Variants in PRKN observed in about 807,000 individuals in gnomAD.
The protein encoded by PRKN is E3 ubiquitin-protein ligase parkin.
Under a neutral mutation model 59.5 loss-of-function variants are expected in PRKN, and 56 were observed. The ratio of observed to expected loss-of-function variants is 0.94; its 90% CI spans 0.76 to 1.18. The LOEUF (loss-of-function observed/expected upper bound fraction) is 1.18, where lower values mean the gene tolerates loss of function less well. PRKN is among the 50% of genes most tolerant of loss of function. The pLI, the probability that PRKN is intolerant of heterozygous loss-of-function variation, is 0.00. For missense variants in PRKN, 657 were observed against 596.4 expected, an observed-to-expected ratio of 1.10 and a Z score of -1.06; for synonymous variants, 250 against 222.1, an observed-to-expected ratio of 1.13 and a Z score of -1.12.
At chr6:161,416,414 A>G (rs544273814) in intron 9 of PRKN, among the ~76,000 whole-genome samples, 117 of 152,222 alleles carry the variant, frequency 7.7e-4, no homozygotes, top group African/African-American at 2.6e-3. Flanking sequence ...CCCAGTGCCT[A>G]GAACAGGACC....
At chr6:162,180,434 C>T (rs1006608524) in intron 4 of PRKN, among the ~76,000 whole-genome samples, 2 of 146,576 alleles carry the variant, frequency 1.4e-5, no homozygotes, top group African/African-American at 5.0e-5. Context: ...TATGTACCCA[C>T]AAAAATTACA....
At chr6:162,334,567 T>A (rs1382006029) in intron 2 of PRKN, among the ~76,000 whole-genome samples, 1 of 152,220 alleles carries the variant, frequency 6.6e-6, no homozygotes, top group South Asian at 2.1e-4. Context: ...ACAATACAAC[T>A]GGTCACCCGA....
chr6:161,611,206 G>A (rs2206950), intron 7 of PRKN, among the ~76,000 whole-genome samples: 47,440 of 152,090 alleles, frequency 0.31, 8,193 homozygotes, highest in Middle Eastern at 0.45. Context: ...ACCACCAGGC[G>A]TGGAAATAAT....
At chr6:162,036,846 C>G (rs1783869530) in intron 5 of PRKN, among the ~76,000 whole-genome samples, 1 of 152,010 alleles carries the variant, frequency 6.6e-6, no homozygotes, top group Non-Finnish European at 1.5e-5. Flanking sequence ...CTGTAAGAAA[C>G]TTTTATCTAT....
Position 161,753,715 on chromosome 6 carries a change from T to G in PRKN, c.871+32057A>C, listed in dbSNP as rs564296696. On this transcript the variant is annotated intron_variant, in intron 7 of 11. Transcript: ENST00000366898. The stretch of plus-strand genomic sequence containing the variant: ...CCAAGCCCAATGGGGGCGGGGGGGC[T>G]CGGCTTGGAGCAAGGCCAATTCTCT... Among the ~76,000 whole-genome samples the G allele has an allele frequency of 6.4e-4, 98 of 152,218 alleles. 1 individual carries two copies. Among genetic ancestry groups the G allele is most frequent in the Middle Eastern group, 3.4e-3 (1 of 294 alleles).
At chr6:162,704,671 T>C (rs1778275403) in intron 1 of PRKN, among the ~76,000 whole-genome samples, 1 of 152,188 alleles carries the variant, frequency 6.6e-6, no homozygotes, top group Non-Finnish European at 1.5e-5. Context: ...TAAAAATGTG[T>C]TCTAAATTAA....
intron 7 of PRKN, among the ~76,000 whole-genome samples, chr6:161,655,195 G>A (rs1403236207): frequency 7.4e-6 from 1 of 135,100 alleles, no homozygotes; most frequent in African/African-American, 3.4e-5. Flanking sequence ...CATTAGCATG[G>A]GCCTGGCCCC....
intron 5 of PRKN, among the ~76,000 whole-genome samples, chr6:161,996,322 G>T (rs954400463): frequency 6.6e-6 from 1 of 152,106 alleles, no homozygotes; most frequent in Non-Finnish European, 1.5e-5. Flanking sequence ...CAAAGTCAAA[G>T]GTGAACATTA....
chr6:162,588,435 A>G (rs559915081), intron 1 of PRKN, among the ~76,000 whole-genome samples: 1 of 152,342 alleles, frequency 6.6e-6, no homozygotes, highest in East Asian at 1.9e-4. Flanking sequence ...TTTCTAAAAA[A>G]CAACTGAGTT....
chr6:161,444,044 T>C lies in PRKN; in HGVS notation c.1084-57167A>G, dbSNP rs1248311211. On this transcript the variant is annotated intron_variant, in intron 9 of 11. Transcript: ENST00000366898. This position sits in a 1 kb window ranked among gnomAD's most constrained non-coding sequence, Gnocchi z 5.6. ...ACTAGGAGGCGCCAGGCTTAGGCCT[T>C]AGGCAGACAAAGAGCAAAAGTGTGG... Among the ~76,000 whole-genome samples the C allele has an allele frequency of 6.6e-6, 1 of 152,046 alleles. No individual in the cohort carries two copies. Among genetic ancestry groups the C allele is most frequent in the African/African-American group, 2.4e-5 (1 of 41,316 alleles).
intron 4 of PRKN, among the ~76,000 whole-genome samples, chr6:162,125,989 C>A (rs552203514): frequency 6.6e-6 from 1 of 152,068 alleles, no homozygotes; most frequent in East Asian, 1.9e-4. Context: ...AACAGCTTCA[C>A]CTAAAAATTA....
intron 2 of PRKN, among the ~76,000 whole-genome samples, chr6:162,335,382 T>C (rs1783795493): frequency 6.6e-6 from 1 of 152,088 alleles, no homozygotes; most frequent in South Asian, 2.1e-4. Context: ...GCATAATTAA[T>C]AGACTACATT....
Position 162,201,248 on chromosome 6 carries a change from AC to A in PRKN, c.416del (p.Gly139ValfsTer38), listed in dbSNP as rs751790069. The A allele has an allele frequency of 1.9e-6, 3 of 1,613,746 alleles. No individual in the cohort carries two copies. The African/African-American group carries it at 4.0e-5, about 22-fold the overall frequency. ...KDSPPAGSPA[G>X]RSIYNSFYVY... is the part of the protein sequence containing the mutation. ...CATAAAAGCTGTTGTAGATTGATCTACCTGCTGGAGAAGAAAAAGCAGAAGA... is the reference window on the plus strand; with the variant it reads ...CATAAAAGCTGTTGTAGATTGATCTACTGCTGGAGAAGAAAAAGCAGAAGA... On this transcript the variant is annotated frameshift_variant, in exon 4 of 12. Transcript: ENST00000366898. LOFTEE classifies it high-confidence loss of function.
chr6:162,451,827 T>C (rs1790641688), intron 1 of PRKN, among the ~76,000 whole-genome samples: 1 of 152,146 alleles, frequency 6.6e-6, no homozygotes, highest in East Asian at 1.9e-4. Context: ...TTTCAAAAAA[T>C]AATGCCCTCA....
intron 4 of PRKN, among the ~76,000 whole-genome samples, chr6:162,150,012 TAGAGCACCTGGACAGA>T: frequency 6.6e-6 from 1 of 152,150 alleles, no homozygotes; most frequent in African/African-American, 2.4e-5. Flanking sequence ...ATCCCCAACC[TAGAGCACCTGGACAGA>T]TCTCACTTCT....
At chr6:161,746,748 C>G (rs752770799) in intron 7 of PRKN, among the ~76,000 whole-genome samples, 115 of 144,574 alleles carry the variant, frequency 8.0e-4, no homozygotes, top group African/African-American at 1.3e-3. Flanking sequence ...TCTAGATATG[C>G]ACATATATAT....
intron 4 of PRKN, among the ~76,000 whole-genome samples, chr6:162,104,279 G>A (rs1309289863): frequency 1.3e-5 from 2 of 152,140 alleles, no homozygotes; most frequent in South Asian, 2.1e-4. Context: ...GCCTCCTGAC[G>A]CCTGAACACA....
intron 7 of PRKN, among the ~76,000 whole-genome samples, chr6:161,695,414 T>C (rs1461768681): frequency 6.6e-6 from 1 of 152,196 alleles, no homozygotes; most frequent in African/African-American, 2.4e-5. Context: ...CTTTTGTTGC[T>C]CTTTGCCCAC....
intron 9 of PRKN, among the ~76,000 whole-genome samples, chr6:161,494,594 T>A (rs1415117877): frequency 6.6e-6 from 1 of 152,250 alleles, no homozygotes; most frequent in Non-Finnish European, 1.5e-5. Flanking sequence ...TTCTAGTTTC[T>A]TCATCGACTG....
Sources: allele counts gnomAD v4.1 joint callset (sites outside exome capture counted in the v4.1 genomes callset), GRCh38; gene constraint gnomAD v4.1.1; non-coding constraint Gnocchi (gnomAD v3.1); transcripts MANE v1.5; gene names NCBI Gene and HGNC (gene_info 2026-07-23, HGNC 2026-07-21).